Variants in ADGRL3 observed in about 807,000 individuals in gnomAD.
ADGRL3 encodes the protein calcium-independent alpha-latrotoxin receptor 3.
Under a neutral mutation model 153.5 loss-of-function variants are expected in ADGRL3, and 62 were observed. The ratio of observed to expected loss-of-function variants is 0.40; its 90% CI spans 0.33 to 0.50. The LOEUF (loss-of-function observed/expected upper bound fraction) is 0.50. Among genes scored for constraint, ADGRL3 ranks in the 20% least tolerant of loss-of-function variants. ADGRL3 has a pLI of 0.47. For missense variants in ADGRL3, 1,641 were observed against 1,859.4 expected, an observed-to-expected ratio of 0.88 and a Z score of 2.16; for synonymous variants, 710 against 672.5, an observed-to-expected ratio of 1.06 and a Z score of -0.86.
intron 2 of ADGRL3, among the ~76,000 whole-genome samples, chr4:61,465,003 GATAA>G (rs1228305950): frequency 1.3e-5 from 2 of 152,128 alleles, no homozygotes; most frequent in East Asian, 3.9e-4. Context: ...AAATGTCCAT[GATAA>G]ATTGTTTTGC....
chr4:61,892,889 C>T lies in ADGRL3; in HGVS notation c.1714C>T (p.Arg572Ter). Residue 572 changes from arginine to a stop codon, truncating the protein, a stop_gained, in exon 10 of 27, where the codon CGA (arginine) becomes TGA (stop). Coordinates refer to ENST00000683033, the MANE Select transcript of ADGRL3 (RefSeq NM_001387552.1). LOFTEE classifies it high-confidence loss of function. Reference protein sequence around the residue: ...LEESCEAVEAREIMWFKTRQG... With the variant: ...LEESCEAVEA ...AGAGAGCTGTGAGGCTGTGGAAGCC[C>T]GAGAAATCATGTGGTTTAAGACTCG... is the stretch of plus-strand genomic sequence containing the variant. The T allele has an allele frequency of 6.3e-7, 1 of 1,590,670 alleles. No homozygotes were observed. Among genetic ancestry groups the T allele is most frequent in the Non-Finnish European group, 8.5e-7 (1 of 1,172,246 alleles).
chr4:61,662,118 C>T (rs2094613414), intron 5 of ADGRL3, among the ~76,000 whole-genome samples: 1 of 152,180 alleles, frequency 6.6e-6, no homozygotes, highest in Non-Finnish European at 1.5e-5. Context: ...GAGCCGGGAA[C>T]AGACGGAAGT....
At chr4:61,526,527 T>C (rs1317785238) in intron 4 of ADGRL3, among the ~76,000 whole-genome samples, 1 of 151,972 alleles carries the variant, frequency 6.6e-6, no homozygotes, top group African/African-American at 2.4e-5. Context: ...CCTATAATCT[T>C]AACACTATGG....
rs1746228310 is a variant in ADGRL3, at chr4:62,073,333, T to A, written c.*2425T>A. The A allele has an allele frequency of 6.6e-6, 1 of 152,176 alleles. No homozygotes were observed. The allele number at this position is 152,176 out of a possible 1,614,324, so 9.4% of individuals were successfully genotyped here. On this transcript the variant is annotated 3_prime_UTR_variant, in exon 27 of 27. Coordinates refer to ENST00000683033, the MANE Select transcript of ADGRL3 (RefSeq NM_001387552.1). Reference sequence around the variant, plus strand: ...ATATTTTTTAAGTCTACAGATTTTATGTTAGAGGAGAATCACAAGCGTTAA... The same window carrying A: ...ATATTTTTTAAGTCTACAGATTTTAAGTTAGAGGAGAATCACAAGCGTTAA...
chr4:61,903,650 C>CAAA lies in ADGRL3; in HGVS notation c.1888-5879_1888-5877dup, dbSNP rs55879235. The stretch of plus-strand genomic sequence containing the variant: ...TGCTGCACTCCAGCTTGGGAAACAG[C>CAAA]AAAAAAAAAAAAAAAAAAAAAAAAA... On this transcript the variant is annotated intron_variant, in intron 11 of 26. Transcript: ENST00000683033. Among the ~76,000 whole-genome samples the CAAA allele has an allele frequency of 2.5e-3, 184 of 72,342 alleles. 13 individuals carry two copies. Among genetic ancestry groups the CAAA allele is most frequent in the African/African-American group, 4.8e-3 (73 of 15,298 alleles). The allele number at this position is 72,342 out of a possible 152,430, so 47.5% of individuals were successfully genotyped here.
intron 2 of ADGRL3, among the ~76,000 whole-genome samples, chr4:61,444,966 C>T (rs2097566266): frequency 6.6e-6 from 1 of 151,836 alleles, no homozygotes; most frequent in East Asian, 1.9e-4. Context: ...GTGGAAGGAT[C>T]GCTTGAGCCC....
chr4:61,599,433 A>G (rs1350578092), intron 5 of ADGRL3, among the ~76,000 whole-genome samples: 1 of 152,172 alleles, frequency 6.6e-6, no homozygotes, highest in Non-Finnish European at 1.5e-5. Flanking sequence ...CCTGGTTACA[A>G]GAGATTCTCC....
At chr4:61,738,755 C>T (rs368381257) in intron 8 of ADGRL3, among the ~76,000 whole-genome samples, 3 of 152,150 alleles carry the variant, frequency 2.0e-5, no homozygotes, top group African/African-American at 7.2e-5. Flanking sequence ...CATTATTTTT[C>T]AGAAGAAATG....
chr4:61,809,896 T>C (rs2097590401), intron 8 of ADGRL3, among the ~76,000 whole-genome samples: 1 of 152,154 alleles, frequency 6.6e-6, no homozygotes, highest in Non-Finnish European at 1.5e-5. Context: ...ATTCATCTAA[T>C]CTTCAGAATG....
chr4:62,024,501 C>A (rs930695350), intron 21 of ADGRL3, among the ~76,000 whole-genome samples: 10 of 151,890 alleles, frequency 6.6e-5, no homozygotes, highest in African/African-American at 2.4e-4. Flanking sequence ...ATATAATAAT[C>A]TCTGTCATTT....
chr4:61,702,326 G>A (rs1156470342), intron 6 of ADGRL3, among the ~76,000 whole-genome samples: 1 of 152,124 alleles, frequency 6.6e-6, no homozygotes, highest in Non-Finnish European at 1.5e-5. Context: ...TGTCTCTTTT[G>A]ACAGCATGAT....
intron 9 of ADGRL3, among the ~76,000 whole-genome samples, chr4:61,884,851 C>T (rs2098528623): frequency 6.6e-6 from 1 of 151,678 alleles, no homozygotes. Flanking sequence ...TATGGAACCC[C>T]TGACCTCAGG....
intron 5 of ADGRL3, among the ~76,000 whole-genome samples, chr4:61,668,301 A>C (rs1468205120): frequency 6.6e-6 from 1 of 152,222 alleles, no homozygotes; most frequent in Non-Finnish European, 1.5e-5. Context: ...AAAGGAAAGA[A>C]ACAGATTTTC....
chr4:61,489,950 C>A (rs536762392), intron 2 of ADGRL3, among the ~76,000 whole-genome samples: 2 of 152,000 alleles, frequency 1.3e-5, no homozygotes, highest in East Asian at 3.9e-4. Context: ...GATTTGCAAC[C>A]AATCAAAATG....
chr4:61,277,234 A>G (rs1465931399), intron 1 of ADGRL3, among the ~76,000 whole-genome samples: 4 of 152,114 alleles, frequency 2.6e-5, no homozygotes, highest in Admixed American at 6.6e-5. Context: ...CTCAAGTTCT[A>G]CATTTTCTGA....
intron 10 of ADGRL3, 112 bp from the exon 11 acceptor site, chr4:61,895,619 A>G: frequency 3.4e-6 from 2 of 594,128 alleles, no homozygotes; most frequent in Non-Finnish European, 5.9e-6. Flanking sequence ...GTTTTAATAA[A>G]CATTATATCA....
At chr4:61,468,112 G>A (rs182697552) in intron 2 of ADGRL3, among the ~76,000 whole-genome samples, 71 of 152,192 alleles carry the variant, frequency 4.7e-4, no homozygotes, top group African/African-American at 1.6e-3. Context: ...GGCTGCAAAG[G>A]AATTAAACAT....
intron 8 of ADGRL3, among the ~76,000 whole-genome samples, chr4:61,744,676 A>G (rs967304668): frequency 6.6e-6 from 1 of 152,224 alleles, no homozygotes; most frequent in Non-Finnish European, 1.5e-5. Context: ...AAGGAAAACT[A>G]ACAAACAGAA....
intron 2 of ADGRL3, among the ~76,000 whole-genome samples, chr4:61,397,103 A>G (rs924353710): frequency 3.9e-4 from 59 of 151,966 alleles, no homozygotes; most frequent in African/African-American, 1.4e-3. Flanking sequence ...TAGGACTTCA[A>G]TATTTTAGCA....
Sources: gnomAD v4.1 joint callset for allele counts (sites outside exome capture counted in the v4.1 genomes callset) on GRCh38, gnomAD v4.1.1 for gene constraint, MANE v1.5 for transcripts, NCBI Gene and HGNC (gene_info 2026-07-23, HGNC 2026-07-21) for gene names.